RAPGEF4: variants seen among roughly 807,000 people sequenced by gnomAD.
RAPGEF4 encodes the protein RAP guanine-nucleotide-exchange factor (GEF) 4.
In RAPGEF4, 66 loss-of-function variants were observed where a neutral mutation model predicts 147.9. The ratio of observed to expected loss-of-function variants is 0.45; its 90% CI spans 0.37 to 0.55. The LOEUF (loss-of-function observed/expected upper bound fraction) is 0.55, where lower values mean the gene tolerates loss of function less well. Ranked by LOEUF, RAPGEF4 falls within the 20% of genes least tolerant of loss-of-function variation. The pLI is 0.00. For synonymous variants in RAPGEF4, 419 were observed against 442.7 expected (o/e 0.95, Z 0.67); for missense variants, 1,071 against 1,257.3 (o/e 0.85, Z 2.24).
At chr2:172,860,381 A>C (rs551589646) in intron 4 of RAPGEF4, 5 of 922,884 alleles carry the variant, frequency 5.4e-6, no homozygotes, top group African/African-American at 3.6e-5. Context: ...CTGTGTTTTC[A>C]TGGAAGCCTC....
At chr2:172,816,252 G>GTCTC (rs149952463) in intron 4 of RAPGEF4, among the ~76,000 whole-genome samples, 2 of 149,772 alleles carry the variant, frequency 1.3e-5, no homozygotes, top group Non-Finnish European at 3.0e-5. Context: ...TTATATCTAA[G>GTCTC]TCTCTCTCTC....
At chr2:172,788,273 GA>G in intron 1 of RAPGEF4, among the ~76,000 whole-genome samples, 1 of 152,194 alleles carries the variant, frequency 6.6e-6, no homozygotes, top group East Asian at 1.9e-4. Flanking sequence ...GTCTCTCCAA[GA>G]AAAAATTTAC....
rs2106115959 is a variant in RAPGEF4 at position 173,052,886 on chromosome 2, A to G, written c.*1119A>G. 1 of 152,330 alleles carries G rather than the reference A, an allele frequency of 6.6e-6. No individual in the cohort carries two copies. The highest frequency in any genetic ancestry group is 1.9e-4 in the East Asian group (1 of 5,196). 9.4% of individuals were successfully genotyped at this position (152,330 alleles called of 1,614,324 possible). A position where few individuals can be genotyped will look rare whatever the true frequency, so the allele number is the denominator to read the frequency against. On this transcript the variant is annotated 3_prime_UTR_variant, in exon 31 of 31. Transcript: ENST00000397081. ...GTATCTTCACTAAATATAATTGTCG[A>G]CAAGAAATGGTTGTGTTCATCTCAA...
chr2:172,801,575 C>T (rs1434856859), intron 3 of RAPGEF4, among the ~76,000 whole-genome samples: 2 of 152,138 alleles, frequency 1.3e-5, no homozygotes, highest in African/African-American at 4.8e-5. Flanking sequence ...CCCACCAGCA[C>T]TCACCACACT....
chr2:172,997,505 A>G (rs188632369), intron 16 of RAPGEF4, among the ~76,000 whole-genome samples: 1 of 152,346 alleles, frequency 6.6e-6, no homozygotes, highest in Admixed American at 6.5e-5. Flanking sequence ...ACAGTGAGTC[A>G]GTCTTGTTAC....
At chr2:172,761,009 G>A (rs1696264961) in intron 1 of RAPGEF4, among the ~76,000 whole-genome samples, 1 of 148,458 alleles carries the variant, frequency 6.7e-6, no homozygotes, top group Non-Finnish European at 1.5e-5. Context: ...AGAGAGAAAG[G>A]ACACCTTACC....
intron 25 of RAPGEF4, among the ~76,000 whole-genome samples, chr2:173,028,517 G>C (rs1696872100): frequency 6.6e-6 from 1 of 152,146 alleles, no homozygotes; most frequent in Non-Finnish European, 1.5e-5. Context: ...TTTTACAGAG[G>C]CAACATGGGA....
chr2:172,767,767 C>T lies in RAPGEF4; in HGVS notation c.66-27258C>T, dbSNP rs540407186. 2.0e-5 allele frequency among the ~76,000 whole-genome samples: 3 copies of T among 152,294 alleles called. No homozygotes were observed. The South Asian group carries it at 6.2e-4, about 32-fold the overall frequency. ...GTCTGTGAAATGGCCCTGCCAGCATCTTCTCTTGAGTTTATTGTGGAAAGC... is the reference window on the plus strand; with the variant it reads ...GTCTGTGAAATGGCCCTGCCAGCATTTTCTCTTGAGTTTATTGTGGAAAGC... On this transcript the variant is annotated intron_variant, in intron 1 of 30. Coordinates refer to ENST00000397081, the MANE Select transcript of RAPGEF4 (RefSeq NM_007023.4).
chr2:172,849,461 T>C (rs948236198), intron 4 of RAPGEF4, among the ~76,000 whole-genome samples: 64 of 152,178 alleles, frequency 4.2e-4, no homozygotes, highest in Admixed American at 4.2e-3. Context: ...GTAGAGAAAG[T>C]GTATATCATA....
chr2:172,780,922 T>A (rs1684622913), intron 1 of RAPGEF4, among the ~76,000 whole-genome samples: 1 of 152,216 alleles, frequency 6.6e-6, no homozygotes, highest in Admixed American at 6.5e-5. Flanking sequence ...CTATTTACTG[T>A]GTATCTTTAC....
chr2:172,948,323 C>A (rs148555033), intron 6 of RAPGEF4, among the ~76,000 whole-genome samples: 47 of 152,228 alleles, frequency 3.1e-4, no homozygotes, highest in African/African-American at 1.1e-3. Flanking sequence ...ATATGGACTT[C>A]CAGAAGTCCA....
intron 29 of RAPGEF4, among the ~76,000 whole-genome samples, chr2:173,047,054 C>T (rs1685560765): frequency 6.6e-6 from 1 of 152,064 alleles, no homozygotes; most frequent in Non-Finnish European, 1.5e-5. Context: ...AGTCTCTTTC[C>T]CTGGGTGGAG....
chr2:172,893,480 C>T (rs969767281), intron 4 of RAPGEF4, among the ~76,000 whole-genome samples: 1 of 152,166 alleles, frequency 6.6e-6, no homozygotes, highest in African/African-American at 2.4e-5. Context: ...TAAAGCGCAT[C>T]GACCCCCAGA....
At position 172,831,266 on chromosome 2, in the gene RAPGEF4, C is replaced by CTTTTTTTTTTTTTTTTTTTTTTTTTTT. The variant is rs71018521; in HGVS notation, c.444+16860_444+16861insTTTTTTTTTTTTTTTTTTTTTTTTTTT. Reference sequence around the variant, plus strand: ...AAATGTGACTGTTTCAGATAGAAAACTTTTTTTTTTTTTTTTTTTGAGACA... The same window carrying CTTTTTTTTTTTTTTTTTTTTTTTTTTT: ...AAATGTGACTGTTTCAGATAGAAAACTTTTTTTTTTTTTTTTTTTTTTTTTTTTTTTTTTTTTTTTTTTTTTGAGACA... On this transcript the variant is annotated intron_variant, in intron 4 of 30. Coordinates refer to ENST00000397081, the MANE Select transcript of RAPGEF4 (RefSeq NM_007023.4). Among the ~76,000 whole-genome samples the CTTTTTTTTTTTTTTTTTTTTTTTTTTT allele has an allele frequency of 2.6e-3, 141 of 53,888 alleles. 54 individuals are homozygous for CTTTTTTTTTTTTTTTTTTTTTTTTTTT. The highest frequency in any genetic ancestry group is 4.1e-3 in the Non-Finnish European group (115 of 28,096). The allele number at this position is 53,888 out of a possible 152,430, so 35.4% of individuals were successfully genotyped here.
chr2:172,879,433 T>C (rs956615349), intron 4 of RAPGEF4, among the ~76,000 whole-genome samples: 3 of 152,170 alleles, frequency 2.0e-5, no homozygotes, highest in Admixed American at 6.5e-5. Context: ...TACCAAACCG[T>C]TGACAGTGCA....
In RAPGEF4 at chr2:172,909,274, G is replaced by A. The variant is rs369659433; in HGVS notation, c.445-8528G>A. Among the ~76,000 whole-genome samples, 7 of 152,264 alleles carry A rather than the reference G, an allele frequency of 4.6e-5. No individual in the cohort carries two copies. In the East Asian group the frequency reaches 1.2e-3, roughly 25 times the overall value. On this transcript the variant is annotated intron_variant, in intron 4 of 30. Transcript: ENST00000397081. The stretch of plus-strand genomic sequence containing the variant: ...AGGCATGCATCCTCAAGGCCACCAC[G>A]CAAGAGTTTTGGAGTAACACTAGAG...
chr2:172,784,725 A>C (rs954891520), intron 1 of RAPGEF4, among the ~76,000 whole-genome samples: 1 of 152,134 alleles, frequency 6.6e-6, no homozygotes, highest in African/African-American at 2.4e-5. Flanking sequence ...AGTTTCAAAG[A>C]CTTTTGCTAT....
intron 8 of RAPGEF4, among the ~76,000 whole-genome samples, chr2:172,961,786 T>C (rs1689326081): frequency 6.6e-6 from 1 of 152,214 alleles, no homozygotes; most frequent in African/African-American, 2.4e-5. Flanking sequence ...GTCATTGATT[T>C]ATTCACAAGT....
At chr2:173,037,827 A>T (rs1291071344) in intron 29 of RAPGEF4, among the ~76,000 whole-genome samples, 1 of 152,210 alleles carries the variant, frequency 6.6e-6, no homozygotes, top group Admixed American at 6.5e-5. Context: ...AATGGGAATC[A>T]TGCCCAGCCC....
Sources: gnomAD v4.1 joint callset for allele counts (sites outside exome capture counted in the v4.1 genomes callset) on GRCh38, gnomAD v4.1.1 for gene constraint, MANE v1.5 for transcripts, NCBI Gene and HGNC (gene_info 2026-07-23, HGNC 2026-07-21) for gene names.